Variants in MRPL22 observed in about 807,000 individuals in gnomAD.
MRPL22 encodes the protein large ribosomal subunit protein uL22m.
In MRPL22, 27 loss-of-function variants were observed where a neutral mutation model predicts 32.4. The ratio of observed to expected loss-of-function variants is 0.83; its 90% CI spans 0.61 to 1.15. MRPL22 has a LOEUF of 1.15. MRPL22 is among the 50% of genes most tolerant of loss of function. The pLI is 0.00. For synonymous variants in MRPL22, 86 were observed against 87.3 expected, an observed-to-expected ratio of 0.99 and a Z score of 0.08; for missense variants, 239 against 260.2, an observed-to-expected ratio of 0.92 and a Z score of 0.56.
chr5:154,954,808 T>G (rs1377532735), intron 3 of MRPL22, among the ~76,000 whole-genome samples: 1 of 152,210 alleles, frequency 6.6e-6, no homozygotes, highest in Non-Finnish European at 1.5e-5. Flanking sequence ...TTTTATTTTT[T>G]TGAGACGGAG....
chr5:154,963,736 C>T (rs545682718), intron 6 of MRPL22, among the ~76,000 whole-genome samples: 177 of 152,184 alleles, frequency 1.2e-3, no homozygotes, highest in South Asian at 3.5e-3. Context: ...ATAAAGACAG[C>T]ATATGATTTG....
In MRPL22 at chr5:154,941,414, C is replaced by T. The variant is rs1202106366; in HGVS notation, c.77+149C>T. ...CAGCCCGAGTCTCTGCTTTGTCACT[C>T]TATTTTTTCTCCACCTTATTGCATA... On this transcript the variant is annotated intron_variant, in intron 2 of 6. Coordinates refer to ENST00000523037, the MANE Select transcript of MRPL22 (RefSeq NM_014180.4). 5.0e-6 allele frequency: 5 copies of T among 991,292 alleles called. No individual in the cohort carries two copies. In the East Asian group the frequency reaches 1.3e-4, roughly 26 times the overall value. 61.4% of individuals were successfully genotyped at this position (991,292 alleles called of 1,614,324 possible).
chr5:154,950,545 A>C (rs1764545920), intron 2 of MRPL22, among the ~76,000 whole-genome samples: 1 of 152,232 alleles, frequency 6.6e-6, no homozygotes, highest in South Asian at 2.1e-4. Context: ...TATAGAAGAC[A>C]GTGTTATTGG....
chr5:154,949,532 G>A (rs1764531811), intron 2 of MRPL22, among the ~76,000 whole-genome samples: 1 of 152,122 alleles, frequency 6.6e-6, no homozygotes, highest in Non-Finnish European at 1.5e-5. Flanking sequence ...TAGGATGGTG[G>A]CAATTAGAAT....
chr5:154,959,782 A>G (rs1361062187), intron 5 of MRPL22, among the ~76,000 whole-genome samples, 198 bp from the exon 6 acceptor site: 1 of 152,176 alleles, frequency 6.6e-6, no homozygotes, highest in East Asian at 1.9e-4. Flanking sequence ...GCTGTGTTCT[A>G]TGCATTTACA....
chr5:154,951,524 GTTTAT>G (rs1028923473), intron 3 of MRPL22, among the ~76,000 whole-genome samples: 49 of 152,058 alleles, frequency 3.2e-4, no homozygotes, highest in African/African-American at 8.4e-4. Context: ...ACTCCATTTT[GTTTAT>G]TTTATTTTAT....
At chr5:154,954,614 T>G (rs1187594037) in intron 3 of MRPL22, among the ~76,000 whole-genome samples, 1 of 152,214 alleles carries the variant, frequency 6.6e-6, no homozygotes, top group Non-Finnish European at 1.5e-5. Context: ...TGAGGTTTTT[T>G]TTCAGTTTTG....
At chr5:154,956,465 T>C (rs1764632196) in intron 4 of MRPL22, 29 bp downstream of exon 4, 1 of 1,483,950 alleles carries the variant, frequency 6.7e-7, no homozygotes, top group Non-Finnish European at 9.3e-7. Flanking sequence ...TACCATATAA[T>C]TAATAATTTA....
chr5:154,949,455 C>T (rs1318555588), intron 2 of MRPL22, among the ~76,000 whole-genome samples: 1 of 152,084 alleles, frequency 6.6e-6, no homozygotes, highest in African/African-American at 2.4e-5. Context: ...GGTACTCAAG[C>T]AGAGAAAGAT....
chr5:154,947,310 G>A (rs562708642), intron 2 of MRPL22, among the ~76,000 whole-genome samples: 10 of 152,204 alleles, frequency 6.6e-5, no homozygotes, highest in South Asian at 4.2e-4. Flanking sequence ...GTCACCACTC[G>A]GCTTATTTTA....
chr5:154,957,914 CTTTTTTTTTTT>C (rs912216773), intron 5 of MRPL22, among the ~76,000 whole-genome samples: 1 of 120,864 alleles, frequency 8.3e-6, no homozygotes, highest in African/African-American at 3.2e-5. Flanking sequence ...ATATATTTTT[CTTTTTTTTTTT>C]TTTTTTTTTG....
At position 154,967,139 on chromosome 5, in the gene MRPL22, A is replaced by C. The variant is rs1382413431; in HGVS notation, c.*242A>C. ...TAAACATAGTAACAGACTATATTTC[A>C]AAAGGCTTTTGGAGTAACTTTGAAA... On this transcript the variant is annotated 3_prime_UTR_variant, in exon 7 of 7. Coordinates refer to ENST00000523037, the MANE Select transcript of MRPL22 (RefSeq NM_014180.4). The surrounding 1 kb of genome is among the most constrained non-coding windows in gnomAD (Gnocchi z 4.7). 1.2e-5 allele frequency: 6 copies of C among 490,858 alleles called. 1 individual carries two copies. The highest frequency in any genetic ancestry group is 2.1e-5 in the Non-Finnish European group (6 of 279,504). The allele number at this position is 490,858 out of a possible 1,614,324, so 30.4% of individuals were successfully genotyped here.
intron 3 of MRPL22, among the ~76,000 whole-genome samples, chr5:154,953,362 G>GAAAAAAAAAA (rs573134537): frequency 1.4e-5 from 1 of 69,236 alleles, no homozygotes; most frequent in Non-Finnish European, 2.6e-5. Context: ...CGTCTCAGGA[G>GAAAAAAAAAA]AAAAAAAAAA....
intron 2 of MRPL22, among the ~76,000 whole-genome samples, chr5:154,948,734 T>A (rs899178217): frequency 1.3e-5 from 2 of 152,202 alleles, no homozygotes; most frequent in African/African-American, 4.8e-5. Flanking sequence ...ACAAGTCAAA[T>A]TTTTCCTCAT....
Position 154,966,992 on chromosome 5 carries a change from T to C in MRPL22, c.*95T>C, listed in dbSNP as rs910030025. ...GCAAATGCTTTTTATGATTTCTCAT[T>C]GAATTATTGAAACAGTGTATAACTG... On this transcript the variant is annotated 3_prime_UTR_variant, in exon 7 of 7. Coordinates refer to ENST00000523037, the MANE Select transcript of MRPL22 (RefSeq NM_014180.4). 7.9e-7 allele frequency: 1 copy of C among 1,259,484 alleles called. No homozygotes were observed. Among genetic ancestry groups the C allele is most frequent in the African/African-American group, 1.5e-5 (1 of 66,312 alleles). The allele number at this position is 1,259,484 out of a possible 1,614,324, so 78.0% of individuals were successfully genotyped here.
intron 2 of MRPL22, among the ~76,000 whole-genome samples, chr5:154,948,914 T>C (rs1391725455): frequency 2.0e-5 from 3 of 152,248 alleles, no homozygotes; most frequent in Admixed American, 6.5e-5. Flanking sequence ...TATGAACTTA[T>C]GGCTTTAAAC....
At chr5:154,941,329 A>T in intron 2 of MRPL22, 64 bp downstream of exon 2, 1 of 1,601,494 alleles carries the variant, frequency 6.2e-7, no homozygotes, top group South Asian at 1.1e-5. Context: ...GCCAGTTGGT[A>T]ACTGAGCGCC....
rs974836610 is a variant in MRPL22, at chr5:154,967,479, T to C, written c.*582T>C. On this transcript the variant is annotated 3_prime_UTR_variant, in exon 7 of 7. Transcript: ENST00000523037. The surrounding 1 kb of genome is among the most constrained non-coding windows in gnomAD (Gnocchi z 4.7). The stretch of plus-strand genomic sequence containing the variant: ...CTCCAAAAACCTTTAACTTTGAAAA[T>C]TTTCTTTTGGTTAAGCAAAGCCTGT... The C allele has an allele frequency of 3.3e-5, 5 of 152,254 alleles. No individual in the cohort carries two copies. The highest frequency in any genetic ancestry group is 1.2e-4 in the African/African-American group (5 of 41,446). 9.4% of individuals were successfully genotyped at this position (152,254 alleles called of 1,614,324 possible). A position where few individuals can be genotyped will look rare whatever the true frequency, so the allele number is the denominator to read the frequency against.
Position 154,953,681 on chromosome 5 carries a change from C to CTT in MRPL22, c.196-2668_196-2667dup, listed in dbSNP as rs772873962. Among the ~76,000 whole-genome samples, 718 of 106,950 alleles carry CTT rather than the reference C, an allele frequency of 6.7e-3. 3 individuals are homozygous for CTT. Among genetic ancestry groups the CTT allele is most frequent in the African/African-American group, 0.01 (295 of 28,962 alleles). 70.2% of individuals were successfully genotyped at this position (106,950 alleles called of 152,430 possible). A position where few individuals can be genotyped will look rare whatever the true frequency, so the allele number is the denominator to read the frequency against. ...GAATCTCATAAAGCTCTAGTAAGAA[C>CTT]TTTTTTTTTTTTTTTTTTTTTTTGA... On this transcript the variant is annotated intron_variant, in intron 3 of 6. Transcript: ENST00000523037.
Sources: gnomAD v4.1 joint callset for allele counts (sites outside exome capture counted in the v4.1 genomes callset) on GRCh38, gnomAD v4.1.1 for gene constraint, Gnocchi (gnomAD v3.1) non-coding constraint, MANE v1.5 for transcripts, NCBI Gene and HGNC (gene_info 2026-07-23, HGNC 2026-07-21) for gene names.